CDKAL1: variants seen among roughly 807,000 people sequenced by gnomAD.
CDKAL1 encodes the protein CDKAL1 threonylcarbamoyladenosine tRNA methylthiotransferase, also known as threonylcarbamoyladenosine tRNA methylthiotransferase.
Under a neutral mutation model 68.2 loss-of-function variants are expected in CDKAL1, and 32 were observed. The observed-to-expected ratio is 0.47, with a 90% CI of 0.35 to 0.63. The LOEUF (loss-of-function observed/expected upper bound fraction) is 0.63. CDKAL1 is among the 30% of genes least tolerant of loss of function. CDKAL1 has a pLI of 0.00. For synonymous variants in CDKAL1, 234 were observed against 244.3 expected, an observed-to-expected ratio of 0.96 and a Z score of 0.39; for missense variants, 606 against 696.7, an observed-to-expected ratio of 0.87 and a Z score of 1.47.
chr6:21,095,251 A>T (rs1277044915), intron 12 of CDKAL1, among the ~76,000 whole-genome samples: 1 of 152,074 alleles, frequency 6.6e-6, no homozygotes, highest in Non-Finnish European at 1.5e-5. Flanking sequence ...AATGGAAAGG[A>T]TGAATGAAGA....
At chr6:20,771,771 G>A (rs1365410667) in intron 7 of CDKAL1, among the ~76,000 whole-genome samples, 3 of 152,034 alleles carry the variant, frequency 2.0e-5, no homozygotes, top group South Asian at 2.1e-4. Flanking sequence ...TGTCCCCTTC[G>A]TGTCTTTTCT....
chr6:20,781,500 TA>T (rs1367023840), intron 8 of CDKAL1, among the ~76,000 whole-genome samples: 17 of 152,236 alleles, frequency 1.1e-4, no homozygotes, highest in African/African-American at 4.1e-4. Context: ...ATAAACATAA[TA>T]AACATGGATT....
At chr6:20,793,364 G>A (rs1271333625) in intron 8 of CDKAL1, among the ~76,000 whole-genome samples, 2 of 152,154 alleles carry the variant, frequency 1.3e-5, no homozygotes, top group Non-Finnish European at 2.9e-5. Flanking sequence ...CGGCGTTGAT[G>A]TTGACACATT....
chr6:20,752,012 T>A (rs989636757), intron 6 of CDKAL1, among the ~76,000 whole-genome samples: 4 of 152,080 alleles, frequency 2.6e-5, no homozygotes, highest in Non-Finnish European at 1.5e-5. Flanking sequence ...TTGTTTTTTC[T>A]TCTTTCTCTG....
chr6:20,698,284 G>A (rs961695492), intron 5 of CDKAL1, among the ~76,000 whole-genome samples: 1 of 152,082 alleles, frequency 6.6e-6, no homozygotes, highest in Non-Finnish European at 1.5e-5. Context: ...TTGCAAAAAA[G>A]TTGCAAAGAA....
intron 13 of CDKAL1, among the ~76,000 whole-genome samples, chr6:21,121,108 CTATA>C (rs1226122635): frequency 6.6e-6 from 1 of 152,138 alleles, no homozygotes; most frequent in Non-Finnish European, 1.5e-5. Flanking sequence ...CACACCCCTG[CTATA>C]CACCATGTCA....
chr6:20,803,695 G>A (rs2150409855), intron 8 of CDKAL1, among the ~76,000 whole-genome samples: 1 of 152,258 alleles, frequency 6.6e-6, no homozygotes, highest in East Asian at 1.9e-4. Context: ...TTGCCAGTGG[G>A]AAGAGTAGAG....
At chr6:20,917,665 C>T (rs1409809281) in intron 9 of CDKAL1, among the ~76,000 whole-genome samples, 1 of 152,122 alleles carries the variant, frequency 6.6e-6, no homozygotes, top group Non-Finnish European at 1.5e-5. Flanking sequence ...CACCCTTTCC[C>T]CTGAGTCCCC....
At chr6:21,015,082 C>T in intron 11 of CDKAL1, among the ~76,000 whole-genome samples, 1 of 152,202 alleles carries the variant, frequency 6.6e-6, no homozygotes, top group East Asian at 1.9e-4. Flanking sequence ...CTTCTATTAA[C>T]AATCCCAGGT....
At chr6:21,215,652 T>C (rs1439605644) in intron 15 of CDKAL1, among the ~76,000 whole-genome samples, 3 of 152,132 alleles carry the variant, frequency 2.0e-5, no homozygotes, top group African/African-American at 7.2e-5. Flanking sequence ...ATCTAAACGT[T>C]AATGGAAGCT....
At chr6:20,940,833 G>A (rs9350302) in intron 9 of CDKAL1, among the ~76,000 whole-genome samples, 26,745 of 152,212 alleles carry the variant, frequency 0.18, 2,756 homozygotes, top group Admixed American at 0.26. Flanking sequence ...GCTCACGCCT[G>A]TAATCCCAGC....
At chr6:21,188,847 G>C (rs1157087863) in intron 13 of CDKAL1, among the ~76,000 whole-genome samples, 1 of 151,864 alleles carries the variant, frequency 6.6e-6, no homozygotes, top group Non-Finnish European at 1.5e-5. Context: ...AGCTTTATAG[G>C]CAATACCTTT....
intron 5 of CDKAL1, among the ~76,000 whole-genome samples, chr6:20,738,202 A>G (rs1220356086): frequency 6.6e-6 from 1 of 152,310 alleles, no homozygotes; most frequent in East Asian, 1.9e-4. Context: ...AAAAGTGAAC[A>G]AAGCATCAAA....
At chr6:20,535,566 C>G (rs1268747739) in intron 2 of CDKAL1, among the ~76,000 whole-genome samples, 172 bp downstream of exon 2, 1 of 152,126 alleles carries the variant, frequency 6.6e-6, no homozygotes, top group Non-Finnish European at 1.5e-5. Context: ...TTTACTTAAC[C>G]TTTCATTTTC....
At chr6:20,732,674 T>C (rs539885476) in intron 5 of CDKAL1, among the ~76,000 whole-genome samples, 1 of 152,280 alleles carries the variant, frequency 6.6e-6, no homozygotes, top group East Asian at 1.9e-4. Context: ...TAAGCCCCTC[T>C]GATGCGTGTT....
chr6:21,138,863 A>G (rs951010718), intron 13 of CDKAL1, among the ~76,000 whole-genome samples: 3 of 152,176 alleles, frequency 2.0e-5, no homozygotes, highest in Non-Finnish European at 4.4e-5. Context: ...AGAACACTGT[A>G]AAGTCCAGTT....
At chr6:21,035,479 A>G (rs1355581101) in intron 11 of CDKAL1, among the ~76,000 whole-genome samples, 1 of 152,098 alleles carries the variant, frequency 6.6e-6, no homozygotes, top group African/African-American at 2.4e-5. Context: ...ATGTATTTTA[A>G]ACTATTCAGG....
At chr6:21,128,251 C>T (rs1367877477) in intron 13 of CDKAL1, among the ~76,000 whole-genome samples, 1 of 152,158 alleles carries the variant, frequency 6.6e-6, no homozygotes, top group Non-Finnish European at 1.5e-5. Flanking sequence ...GATGGTTTTG[C>T]CCAACTGGGC....
At position 21,069,804 on chromosome 6, in the gene CDKAL1, T is replaced by TAAAAAA. The variant is rs1554169910; in HGVS notation, c.1236+4580_1236+4581insAAAAAA. Reference sequence around the variant, plus strand: ...TTTTTTTTTTTTTTTTTTTTTTTTTTAAAACAGAGCCTTGCTCTGTCACCC... The same window carrying TAAAAAA: ...TTTTTTTTTTTTTTTTTTTTTTTTTTAAAAAAAAAACAGAGCCTTGCTCTGTCACCC... On this transcript the variant is annotated intron_variant, in intron 12 of 15. Transcript: ENST00000274695. Among the ~76,000 whole-genome samples the TAAAAAA allele has an allele frequency of 1.5e-3, 126 of 85,510 alleles. 3 individuals are homozygous for TAAAAAA. Among genetic ancestry groups the TAAAAAA allele is most frequent in the Non-Finnish European group, 2.3e-3 (105 of 44,838 alleles). The allele number at this position is 85,510 out of a possible 152,430, so 56.1% of individuals were successfully genotyped here.
Sources: allele counts gnomAD v4.1 joint callset (sites outside exome capture counted in the v4.1 genomes callset), GRCh38; gene constraint gnomAD v4.1.1; transcripts MANE v1.5; gene names NCBI Gene and HGNC (gene_info 2026-07-23, HGNC 2026-07-21).